CGNL1: variants seen among roughly 807,000 people sequenced by gnomAD.
CGNL1 encodes cingulin like 1.
In CGNL1, 132 loss-of-function variants were observed where a neutral mutation model predicts 141.2. The observed-to-expected ratio is 0.93, with a 90% CI of 0.81 to 1.08. The LOEUF is 1.08. Among genes scored for constraint, CGNL1 ranks in the 50% least tolerant of loss-of-function variants. CGNL1 has a pLI of 0.00. For missense variants in CGNL1, 1,870 were observed against 1,588.6 expected (o/e 1.18, Z -3.01); for synonymous variants, 690 against 622.1 (o/e 1.11, Z -1.63).
chr15:57,533,370 A>C (rs1379139345), intron 14 of CGNL1, among the ~76,000 whole-genome samples: 4 of 152,142 alleles, frequency 2.6e-5, no homozygotes, highest in Admixed American at 2.6e-4. Flanking sequence ...TTGTTACTGA[A>C]GACTTTGTTT....
At chr15:57,462,573 A>G (rs1567133620) in intron 8 of CGNL1, among the ~76,000 whole-genome samples, 1 of 152,118 alleles carries the variant, frequency 6.6e-6, no homozygotes, top group Non-Finnish European at 1.5e-5. Context: ...AAAGAGGGGA[A>G]TTACAGATTA....
chr15:57,401,408 G>T lies in CGNL1; in HGVS notation c.-16+24841G>T, dbSNP rs561110610. Among the ~76,000 whole-genome samples, 5 of 152,214 alleles carry T rather than the reference G, an allele frequency of 3.3e-5. No homozygotes were observed. The South Asian group carries it at 8.3e-4, about 25-fold the overall frequency. On this transcript the variant is annotated intron_variant, in intron 1 of 18. Coordinates refer to ENST00000281282, the MANE Select transcript of CGNL1 (RefSeq NM_032866.5). ...TTTAAGCCTCAACTCCAAACCGTCC[G>T]TCAGAATTTCCAAGAATGGGTCTCA...
At chr15:57,468,389 C>T (rs1180576876) in intron 8 of CGNL1, among the ~76,000 whole-genome samples, 1 of 151,660 alleles carries the variant, frequency 6.6e-6, no homozygotes, top group Non-Finnish European at 1.5e-5. Flanking sequence ...TACAGCTGCA[C>T]GCCACCACAC....
At position 57,535,862 on chromosome 15, in the gene CGNL1, G is replaced by A. The variant is rs144987513; in HGVS notation, c.3291+4083G>A. On this transcript the variant is annotated intron_variant, in intron 14 of 18. Transcript: ENST00000281282. ...ACCAGGGCAGAGGACAAGGAAGGCT[G>A]TGTAAGATGGTGTATTTGACCCTTT... Among the ~76,000 whole-genome samples, 3 of 152,210 alleles carry A rather than the reference G, an allele frequency of 2.0e-5. No homozygotes were observed. In the East Asian group the frequency reaches 5.8e-4, roughly 29 times the overall value.
At chr15:57,503,731 A>T (rs1306930984) in intron 8 of CGNL1, among the ~76,000 whole-genome samples, 1 of 152,186 alleles carries the variant, frequency 6.6e-6, no homozygotes, top group Non-Finnish European at 1.5e-5. Context: ...GGCAAAAGGC[A>T]CATTTTACAT....
chr15:57,493,429 G>A (rs2063894403), intron 8 of CGNL1, among the ~76,000 whole-genome samples: 1 of 152,114 alleles, frequency 6.6e-6, no homozygotes, highest in South Asian at 2.1e-4. Context: ...GACACAGAAA[G>A]CATGCTTATC....
intron 8 of CGNL1, among the ~76,000 whole-genome samples, chr15:57,494,292 C>G (rs1488723616): frequency 6.6e-6 from 1 of 152,130 alleles, no homozygotes; most frequent in Admixed American, 6.5e-5. Context: ...GATCTGTATT[C>G]TGAAATGGAG....
At chr15:57,499,762 T>G (rs2063995978) in intron 8 of CGNL1, among the ~76,000 whole-genome samples, 1 of 152,122 alleles carries the variant, frequency 6.6e-6, no homozygotes, top group African/African-American at 2.4e-5. Flanking sequence ...CCACAGATAG[T>G]TGTAGATATT....
intron 1 of CGNL1, among the ~76,000 whole-genome samples, chr15:57,400,887 TAAAA>T (rs35735890): frequency 7.7e-5 from 6 of 77,890 alleles, no homozygotes; most frequent in African/African-American, 2.0e-4. Context: ...TGTCTCAAAT[TAAAA>T]AAAAAAAAAA....
At chr15:57,422,090 G>C (rs947637228) in intron 1 of CGNL1, among the ~76,000 whole-genome samples, 2 of 129,930 alleles carry the variant, frequency 1.5e-5, no homozygotes, top group Admixed American at 1.7e-4. Flanking sequence ...GTGGGGCCCT[G>C]TCATTTATAT....
At chr15:57,423,340 G>A (rs2062937121) in intron 1 of CGNL1, among the ~76,000 whole-genome samples, 1 of 152,126 alleles carries the variant, frequency 6.6e-6, no homozygotes, top group Admixed American at 6.6e-5. Flanking sequence ...AACCCCCATG[G>A]CTGTAAACAC....
chr15:57,545,764 G>A, intron 17 of CGNL1, 64 bp downstream of exon 17: 1 of 1,372,328 alleles, frequency 7.3e-7, no homozygotes, highest in Non-Finnish European at 1.0e-6. Context: ...GAGGGAGCAA[G>A]GGAGGCAAGG....
chr15:57,430,446 C>T (rs1213040521), intron 1 of CGNL1, among the ~76,000 whole-genome samples: 1 of 151,302 alleles, frequency 6.6e-6, no homozygotes, highest in Non-Finnish European at 1.5e-5. Context: ...TTTTCAGTAA[C>T]CATGAAGAAT....
At chr15:57,444,462 G>A (rs1461837032) in intron 4 of CGNL1, among the ~76,000 whole-genome samples, 1 of 152,146 alleles carries the variant, frequency 6.6e-6, no homozygotes, top group Non-Finnish European at 1.5e-5. Flanking sequence ...AAATTGCTGA[G>A]TTGTGAGTTA....
intron 6 of CGNL1, 92 bp downstream of exon 6, chr15:57,452,381 C>T: frequency 8.3e-7 from 1 of 1,198,330 alleles, no homozygotes; most frequent in Non-Finnish European, 1.1e-6. Context: ...ACCCAGCCTT[C>T]CAAATATTTA....
intron 9 of CGNL1, among the ~76,000 whole-genome samples, chr15:57,518,020 C>G (rs1317964256): frequency 6.6e-6 from 1 of 150,512 alleles, no homozygotes; most frequent in Non-Finnish European, 1.5e-5. Context: ...AATACCCCAG[C>G]TGGGCATGGT....
At chr15:57,419,351 A>G (rs1201119927) in intron 1 of CGNL1, among the ~76,000 whole-genome samples, 1 of 152,254 alleles carries the variant, frequency 6.6e-6, no homozygotes. Flanking sequence ...AATATCATGC[A>G]ATTGGTTTGC....
At chr15:57,475,771 GGTC>G (rs1439842439) in intron 8 of CGNL1, among the ~76,000 whole-genome samples, 6 of 152,090 alleles carry the variant, frequency 3.9e-5, no homozygotes, top group East Asian at 3.9e-4. Context: ...GTGCCCTAGT[GGTC>G]TCCCTGCTTG....
chr15:57,503,365 A>G (rs1407363131), intron 8 of CGNL1, among the ~76,000 whole-genome samples: 1 of 152,202 alleles, frequency 6.6e-6, no homozygotes, highest in Non-Finnish European at 1.5e-5. Context: ...CCCCAAGGTC[A>G]GAGTACCCTG....
Sources: gnomAD v4.1 joint callset for allele counts (sites outside exome capture counted in the v4.1 genomes callset) on GRCh38, gnomAD v4.1.1 for gene constraint, MANE v1.5 for transcripts, NCBI Gene and HGNC (gene_info 2026-07-23, HGNC 2026-07-21) for gene names.